PEAK1: variants seen among roughly 807,000 people sequenced by gnomAD.
PEAK1 encodes the protein inactive tyrosine-protein kinase PEAK1.
A neutral mutation model predicts 124.7 loss-of-function variants in PEAK1; 54 were observed. The observed-to-expected ratio is 0.43, with a 90% CI of 0.35 to 0.54. The LOEUF is 0.54. Ranked by LOEUF, PEAK1 falls within the 20% of genes least tolerant of loss-of-function variation. The probability of loss-of-function intolerance (pLI) is 0.01; values close to 1 mark genes in which losing one functional copy is unlikely to be tolerated. For missense variants in PEAK1, 2,046 were observed against 2,134.5 expected (o/e 0.96, Z 0.82); for synonymous variants, 719 against 760.0 (o/e 0.95, Z 0.89).
chr15:77,350,218 A>G (rs932763390), intron 2 of PEAK1: 51 of 985,364 alleles, frequency 5.2e-5, no homozygotes, highest in Non-Finnish European at 6.1e-5. Flanking sequence ...TGAGAACACA[A>G]AAGAACAATA....
chr15:77,419,698 T>C (rs1341950437), intron 1 of PEAK1: 3 of 982,562 alleles, frequency 3.1e-6, no homozygotes, highest in African/African-American at 3.5e-5. Context: ...GTCCCAACTT[T>C]CCTTCCTCTG....
intron 1 of PEAK1, among the ~76,000 whole-genome samples, chr15:77,375,915 C>A (rs1225977255): frequency 6.6e-6 from 1 of 151,916 alleles, no homozygotes; most frequent in Non-Finnish European, 1.5e-5. Flanking sequence ...AGGAGAATGG[C>A]GGGAACCCGG....
intron 6 of PEAK1, among the ~76,000 whole-genome samples, chr15:77,200,686 T>C (rs2058321238): frequency 6.6e-6 from 1 of 152,218 alleles, no homozygotes; most frequent in South Asian, 2.1e-4. Flanking sequence ...GGCTTTTGTT[T>C]ATTTATTTTG....
At chr15:77,148,401 A>T (rs1446087916) in intron 8 of PEAK1, among the ~76,000 whole-genome samples, 1 of 152,156 alleles carries the variant, frequency 6.6e-6, no homozygotes, top group African/African-American at 2.4e-5. Flanking sequence ...AAGGAACTGG[A>T]TCTGCACAGC....
intron 6 of PEAK1, among the ~76,000 whole-genome samples, chr15:77,228,851 T>C (rs765974594): frequency 2.2e-4 from 34 of 152,184 alleles, no homozygotes; most frequent in Non-Finnish European, 4.6e-4. Flanking sequence ...TATTGAGGAC[T>C]CTAGGTTCTA....
At chr15:77,157,309 A>T (rs1249413340) in intron 8 of PEAK1, 1 of 152,238 alleles carries the variant, frequency 6.6e-6, no homozygotes, top group African/African-American at 2.4e-5. Flanking sequence ...AGTTCATATG[A>T]ATCTTGCTTG....
Position 77,114,711 on chromosome 15 carries a change from C to A in PEAK1, c.4686G>T (p.Lys1562Asn), listed in dbSNP as rs1174796112. ...IVSNFSQAKQ[K>N]SHLVDPEILR... ...GGATCTCGGGGTCCACCAGATGGCT[C>A]TTCTGCTTGGCCTGAGAGAAGTTGC... The change falls in exon 10 of 10, where the codon AAG (lysine) becomes AAT (asparagine). Residue 1562 changes from lysine (K) to asparagine (N), a missense_variant. Coordinates refer to ENST00000682557, the MANE Select transcript of PEAK1 (RefSeq NM_001385026.1). 1.2e-6 allele frequency: 2 copies of A among 1,613,452 alleles called. No homozygotes were observed. The highest frequency in any genetic ancestry group is 4.5e-5 in the East Asian group (2 of 44,814).
At chr15:77,163,396 T>C (rs2055829460) in intron 7 of PEAK1, among the ~76,000 whole-genome samples, 1 of 152,226 alleles carries the variant, frequency 6.6e-6, no homozygotes. Flanking sequence ...CCTTGGAAGG[T>C]TGTATCTCAT....
chr15:77,184,626 G>C (rs1047566685), intron 6 of PEAK1, among the ~76,000 whole-genome samples: 2 of 152,230 alleles, frequency 1.3e-5, no homozygotes, highest in African/African-American at 4.8e-5. Context: ...GCTGGGCGCG[G>C]TAGCTCATGC....
At chr15:77,255,958 A>T (rs1454060097) in intron 5 of PEAK1, among the ~76,000 whole-genome samples, 1 of 152,170 alleles carries the variant, frequency 6.6e-6, no homozygotes. Flanking sequence ...GACATTATAG[A>T]CACAGGTAAT....
At chr15:77,358,582 C>T (rs533860097) in intron 2 of PEAK1, among the ~76,000 whole-genome samples, 34 of 152,260 alleles carry the variant, frequency 2.2e-4, no homozygotes, top group African/African-American at 7.7e-4. Flanking sequence ...TTCTCTCTCC[C>T]GGCTCTCCAC....
chr15:77,115,668 T>C (rs2051307390), intron 9 of PEAK1, among the ~76,000 whole-genome samples: 1 of 152,214 alleles, frequency 6.6e-6, no homozygotes, highest in South Asian at 2.1e-4. Context: ...ACTATAACCT[T>C]GCACCTCATC....
chr15:77,409,387 A>G (rs570523956), intron 1 of PEAK1, among the ~76,000 whole-genome samples: 1 of 152,296 alleles, frequency 6.6e-6, no homozygotes, highest in South Asian at 2.1e-4. Context: ...CATTTTACAC[A>G]TAAGAAAACT....
chr15:77,411,854 C>T (rs1179543822), intron 1 of PEAK1, among the ~76,000 whole-genome samples: 1 of 152,066 alleles, frequency 6.6e-6, no homozygotes, highest in Non-Finnish European at 1.5e-5. Context: ...TCAAGTGATC[C>T]TCCCGCCTCA....
intron 2 of PEAK1, among the ~76,000 whole-genome samples, chr15:77,294,301 C>G (rs983967842): frequency 1.3e-5 from 2 of 152,070 alleles, no homozygotes; most frequent in Non-Finnish European, 2.9e-5. Context: ...AACAGAAGAA[C>G]TCTGCTTTTA....
intron 2 of PEAK1, among the ~76,000 whole-genome samples, chr15:77,298,155 GAA>G (rs78286585): frequency 4.9e-5 from 5 of 101,354 alleles, no homozygotes; most frequent in East Asian, 6.9e-4. Flanking sequence ...TATTATTAAT[GAA>G]AAAAAAAAGT....
chr15:77,261,632 A>C (rs2061446046), intron 5 of PEAK1, among the ~76,000 whole-genome samples: 1 of 152,216 alleles, frequency 6.6e-6, no homozygotes, highest in Non-Finnish European at 1.5e-5. Flanking sequence ...TCTATATCTG[A>C]TTGGTGTACC....
At chr15:77,403,575 CCT>C (rs1421797511) in intron 1 of PEAK1, 2 of 967,032 alleles carry the variant, frequency 2.1e-6, no homozygotes, top group Non-Finnish European at 2.5e-6. Flanking sequence ...ATATATTCAG[CCT>C]CTGAGTCTAA....
At chr15:77,321,687 T>G (rs2065228826) in intron 2 of PEAK1, among the ~76,000 whole-genome samples, 2 of 152,208 alleles carry the variant, frequency 1.3e-5, no homozygotes, top group Admixed American at 1.3e-4. Context: ...AATTTCGGCT[T>G]TTGTTGCCAT....
Sources: gnomAD v4.1 joint callset for allele counts (sites outside exome capture counted in the v4.1 genomes callset) on GRCh38, gnomAD v4.1.1 for gene constraint, MANE v1.5 for transcripts, NCBI Gene and HGNC (gene_info 2026-07-23, HGNC 2026-07-21) for gene names.